Variants in TLN2 observed in about 807,000 individuals in gnomAD.
TLN2 encodes talin 2, also known as talin-2.
A neutral mutation model predicts 294.7 loss-of-function variants in TLN2; 118 were observed. The observed-to-expected ratio is 0.40, with a 90% CI of 0.34 to 0.47. TLN2 has a LOEUF of 0.47. Among genes scored for constraint, TLN2 ranks in the 20% least tolerant of loss-of-function variants. The probability of loss-of-function intolerance (pLI) is 0.84; values close to 1 mark genes in which losing one functional copy is unlikely to be tolerated. For synonymous variants in TLN2, 1,431 were observed against 1,304.5 expected (o/e 1.10, Z -2.09); for missense variants, 3,083 against 3,282.2 (o/e 0.94, Z 1.48).
chr15:62,710,882 C>T (rs140725897), intron 21 of TLN2, among the ~76,000 whole-genome samples: 1,825 of 152,020 alleles, frequency 0.012, 39 homozygotes, highest in African/African-American at 0.042. Flanking sequence ...CCCACCACCA[C>T]GCCCGGCTAA....
rs1379504168 is a variant in TLN2, at chr15:62,736,884, C to G, written c.3365C>G (p.Ala1122Gly). 9 of 1,613,714 alleles carry G rather than the reference C, an allele frequency of 5.6e-6. No homozygotes were observed. The highest frequency in any genetic ancestry group is 7.6e-6 in the Non-Finnish European group (9 of 1,179,910). The change falls in exon 29 of 59, where the codon GCT becomes GGT. Residue 1122 changes from alanine to glycine, a missense_variant. By Grantham distance (60) the Ala-to-Gly change is moderately conservative. Transcript: ENST00000636159. ...GATGGACTTTTTCCCCCAGGGGTGGCTGCTAGAGAGACGGCCCAAGCTCTG... is the reference window on the plus strand; with the variant it reads ...GATGGACTTTTTCCCCCAGGGGTGGGTGCTAGAGAGACGGCCCAAGCTCTG... ...AQGNEHYTGV[A>G]ARETAQALKT... is the part of the protein sequence containing the mutation.
intron 18 of TLN2, 145 bp downstream of exon 18, chr15:62,702,345 C>T: frequency 7.4e-6 from 7 of 945,232 alleles, no homozygotes; most frequent in Non-Finnish European, 4.6e-6. Flanking sequence ...AGTTGTGGAA[C>T]TGGGTGCAGA....
intron 12 of TLN2, among the ~76,000 whole-genome samples, chr15:62,691,473 C>G (rs1356699528): frequency 6.6e-6 from 1 of 151,860 alleles, no homozygotes; most frequent in Non-Finnish European, 1.5e-5. Context: ...TTTGTTTGAA[C>G]TTTTTATTCT....
At chr15:62,431,274 A>G (rs527913412) in intron 1 of TLN2, among the ~76,000 whole-genome samples, 11 of 152,318 alleles carry the variant, frequency 7.2e-5, no homozygotes, top group South Asian at 4.1e-4. Flanking sequence ...ACATATGTGC[A>G]TATACATTAA....
At position 62,590,071 on chromosome 15, in the gene TLN2, A is replaced by G. The variant is rs28525519; in HGVS notation, c.-162+309A>G. Among the ~76,000 whole-genome samples the G allele has an allele frequency of 3.2e-3, 491 of 152,228 alleles. 4 individuals are homozygous for G. The highest frequency in any genetic ancestry group is 0.011 in the African/African-American group (473 of 41,530). ...ATAGTGTGAATTCTCATTCACTCAC[A>G]CTGGTTTGCTTCATAAATCTTTTCT... On this transcript the variant is annotated intron_variant, in intron 2 of 58. Transcript: ENST00000636159.
chr15:62,755,745 G>C (rs377642188), intron 37 of TLN2, 52 bp downstream of exon 37: 1 of 1,597,620 alleles, frequency 6.3e-7, no homozygotes, highest in Admixed American at 1.7e-5. Context: ...CTGTTCTGGC[G>C]GGGGAAGGGG....
intron 1 of TLN2, among the ~76,000 whole-genome samples, chr15:62,467,807 T>C (rs1365039119): frequency 2.0e-5 from 3 of 152,234 alleles, no homozygotes; most frequent in East Asian, 3.8e-4. Context: ...TTGCTGTGAA[T>C]GGCTTCCCTA....
intron 3 of TLN2, chr15:62,645,308 A>G (rs955710734): frequency 6.6e-6 from 1 of 152,344 alleles, no homozygotes; most frequent in Non-Finnish European, 1.5e-5. Flanking sequence ...GCCACTGCCT[A>G]GGCCTTAGTT....
At chr15:62,761,124 C>T (rs1296327397) in intron 37 of TLN2, among the ~76,000 whole-genome samples, 3 of 152,130 alleles carry the variant, frequency 2.0e-5, no homozygotes, top group Non-Finnish European at 4.4e-5. Flanking sequence ...CTCATCTATT[C>T]CTTCTCATTA....
chr15:62,831,348 TGAGGAGTTTG>T (rs1440291790), intron 54 of TLN2: 1 of 152,064 alleles, frequency 6.6e-6, no homozygotes, highest in South Asian at 2.1e-4. Context: ...CAAAATGAGA[TGAGGAGTTTG>T]GAGTCAAAAA....
intron 21 of TLN2, among the ~76,000 whole-genome samples, chr15:62,710,011 A>G (rs572426769): frequency 3.9e-5 from 6 of 152,348 alleles, no homozygotes; most frequent in Non-Finnish European, 7.3e-5. Context: ...CTGGGATTAC[A>G]GGGGTGAGCC....
chr15:62,815,897 TTA>T (rs2067075273), intron 52 of TLN2, among the ~76,000 whole-genome samples: 1 of 152,230 alleles, frequency 6.6e-6, no homozygotes, highest in Admixed American at 6.5e-5. Flanking sequence ...TTTGCCTGTG[TTA>T]CAGATGCCAA....
At chr15:62,836,210 TACTGCGTGCGTCCATGCATC>T in intron 57 of TLN2, 137 bp downstream of exon 57, 1 of 1,221,672 alleles carries the variant, frequency 8.2e-7, no homozygotes, top group Non-Finnish European at 1.1e-6. Context: ...CAGCCTCATC[TACTGCGTGCGTCCATGCATC>T]CTCCACTGCT....
intron 25 of TLN2, 123 bp from the exon 26 acceptor site, chr15:62,722,230 T>C (rs2060191716): frequency 5.2e-6 from 6 of 1,163,200 alleles, no homozygotes; most frequent in East Asian, 2.5e-5. Context: ...ATGAGTTGTT[T>C]AATATTCCTT....
chr15:62,469,113 G>A (rs1042641966), intron 1 of TLN2, among the ~76,000 whole-genome samples: 1 of 152,222 alleles, frequency 6.6e-6, no homozygotes, highest in Non-Finnish European at 1.5e-5. Flanking sequence ...TTGAAACAGA[G>A]CTTGGACTAA....
chr15:62,450,791 G>A (rs114899399), intron 1 of TLN2, among the ~76,000 whole-genome samples: 1 of 151,960 alleles, frequency 6.6e-6, no homozygotes, highest in South Asian at 2.1e-4. Flanking sequence ...GGCTGGTCTC[G>A]AACTCCTGGG....
chr15:62,790,993 T>C (rs932250375), intron 45 of TLN2, among the ~76,000 whole-genome samples: 5 of 152,174 alleles, frequency 3.3e-5, no homozygotes, highest in Admixed American at 6.5e-5. Context: ...TGTAGCACCC[T>C]GTGTACGAAG....
intron 57 of TLN2, among the ~76,000 whole-genome samples, chr15:62,836,949 A>G (rs1341822194): frequency 2.0e-5 from 3 of 150,480 alleles, no homozygotes; most frequent in Non-Finnish European, 4.4e-5. Context: ...TAGCTGGCCC[A>G]TTCTTCATGA....
chr15:62,653,194 C>G lies in TLN2; in HGVS notation c.397C>G (p.Gln133Glu), dbSNP rs771777693. The G allele has an allele frequency of 1.6e-5, 25 of 1,600,756 alleles. No homozygotes were observed. Among genetic ancestry groups the G allele is most frequent in the Non-Finnish European group, 2.0e-5 (24 of 1,173,376 alleles). Reference sequence around the variant, plus strand: ...AAATTATGAAGAATACTCCTTAATCCAAGAAACTATTGAAGAAAAGAAAGA... The same window carrying G: ...AAATTATGAAGAATACTCCTTAATCGAAGAAACTATTGAAGAAAAGAAAGA... ...ITNYEEYSLI[Q>E]ETIEEKKEEG... is the part of the protein sequence containing the mutation. Residue 133 changes from glutamine (Q) to glutamate (E), a missense_variant, in exon 7 of 59, where the codon CAA (glutamine) becomes GAA (glutamate). By Grantham distance (29) the Gln-to-Glu change is conservative. Transcript: ENST00000636159.
Sources: allele counts gnomAD v4.1 joint callset (sites outside exome capture counted in the v4.1 genomes callset), GRCh38; gene constraint gnomAD v4.1.1; transcripts MANE v1.5; gene names NCBI Gene and HGNC (gene_info 2026-07-23, HGNC 2026-07-21).